YWHAQ: variants seen among roughly 807,000 people sequenced by gnomAD.
The protein encoded by YWHAQ is 14-3-3 protein theta.
In YWHAQ, 6 loss-of-function variants were observed where a neutral mutation model predicts 28.3. The ratio of observed to expected loss-of-function variants is 0.21; its 90% CI spans 0.12 to 0.42. The LOEUF is 0.42. YWHAQ is among the 10% of genes least tolerant of loss of function. The pLI, the probability that YWHAQ is intolerant of heterozygous loss-of-function variation, is 1.00. For synonymous variants in YWHAQ, 143 were observed against 119.1 expected, an observed-to-expected ratio of 1.20 and a Z score of -1.31; for missense variants, 201 against 305.6, an observed-to-expected ratio of 0.66 and a Z score of 2.55.
At chr2:9,615,021 T>C (rs925980341) in intron 2 of YWHAQ, among the ~76,000 whole-genome samples, 3 of 152,150 alleles carry the variant, frequency 2.0e-5, no homozygotes, top group Admixed American at 2.0e-4. Context: ...GGACATGAAG[T>C]AGTGTTTAAC....
chr2:9,588,597 C>T (rs1377893079), intron 3 of YWHAQ, among the ~76,000 whole-genome samples: 2 of 151,960 alleles, frequency 1.3e-5, no homozygotes, highest in Non-Finnish European at 2.9e-5. Context: ...ATGGCGAAAC[C>T]CCATCTCTAC....
intron 3 of YWHAQ, among the ~76,000 whole-genome samples, 200 bp downstream of exon 3, chr2:9,591,192 A>AT (rs751175981): frequency 4.6e-5 from 7 of 152,282 alleles, no homozygotes; most frequent in East Asian, 1.9e-4. Flanking sequence ...GATGAGCTTA[A>AT]TTTTTTTAAA....
intron 2 of YWHAQ, among the ~76,000 whole-genome samples, chr2:9,628,384 C>T (rs1396267991): frequency 2.0e-5 from 3 of 152,188 alleles, no homozygotes; most frequent in African/African-American, 4.8e-5. Context: ...AGCTACGTAT[C>T]AACTAAGCAA....
intron 2 of YWHAQ, among the ~76,000 whole-genome samples, chr2:9,602,061 T>C (rs1343436331): frequency 1.3e-5 from 2 of 152,196 alleles, no homozygotes; most frequent in African/African-American, 4.8e-5. Context: ...AAAGCAACTT[T>C]AGTAATGATA....
At chr2:9,598,334 G>C (rs1021700525) in intron 2 of YWHAQ, among the ~76,000 whole-genome samples, 1 of 152,094 alleles carries the variant, frequency 6.6e-6, no homozygotes, top group Non-Finnish European at 1.5e-5. Context: ...AGGTATACTG[G>C]AGTAGTAAAG....
In YWHAQ at chr2:9,585,202, G is replaced by A; in HGVS notation, c.*84C>T. The A allele has an allele frequency of 1.3e-6, 2 of 1,482,364 alleles. No homozygotes were observed. The highest frequency in any genetic ancestry group is 1.9e-6 in the Non-Finnish European group (2 of 1,063,592). 91.8% of individuals were successfully genotyped at this position (1,482,364 alleles called of 1,614,324 possible). A position where few individuals can be genotyped will look rare whatever the true frequency, so the allele number is the denominator to read the frequency against. On this transcript the variant is annotated 3_prime_UTR_variant, in exon 6 of 6. Coordinates refer to ENST00000238081, the MANE Select transcript of YWHAQ (RefSeq NM_006826.4). ...TCCATACACATGAATGGGTTTCTTT[G>A]CTATAGGAAATCCAAGTGGAATAAG...
At chr2:9,598,440 T>A (rs1200045684) in intron 2 of YWHAQ, among the ~76,000 whole-genome samples, 3 of 152,204 alleles carry the variant, frequency 2.0e-5, no homozygotes, top group African/African-American at 7.2e-5. Flanking sequence ...TACTGCTCTT[T>A]TGCAGATACT....
At chr2:9,588,429 A>G (rs1666389924) in intron 3 of YWHAQ, 101 bp from the exon 4 acceptor site, 1 of 1,381,264 alleles carries the variant, frequency 7.2e-7, no homozygotes, top group African/African-American at 1.5e-5. Flanking sequence ...TGGTAGAACC[A>G]AGATTTTTTC....
intron 2 of YWHAQ, among the ~76,000 whole-genome samples, chr2:9,617,908 C>G (rs1458305463): frequency 1.3e-5 from 2 of 149,888 alleles, no homozygotes; most frequent in Non-Finnish European, 3.0e-5. Context: ...GCTTGGGTGA[C>G]AGAGTGAGAC....
In YWHAQ at chr2:9,590,949, G is replaced by A. The variant is rs1011142119; in HGVS notation, c.418+443C>T. Among the ~76,000 whole-genome samples the A allele has an allele frequency of 2.0e-5, 3 of 152,106 alleles. 1 individual carries two copies. The highest frequency in any genetic ancestry group is 4.1e-4 in the South Asian group (2 of 4,822). On this transcript the variant is annotated intron_variant, in intron 3 of 5. Transcript: ENST00000238081. ...AATGTTATGACCCCTTAAAATAGACGATAATGAATATGACAAACAGCAAAA... is the reference window on the plus strand; with the variant it reads ...AATGTTATGACCCCTTAAAATAGACAATAATGAATATGACAAACAGCAAAA...
intron 2 of YWHAQ, chr2:9,628,701 A>G (rs943752478): frequency 2.0e-5 from 3 of 152,212 alleles, no homozygotes; most frequent in Non-Finnish European, 4.4e-5. Context: ...GTCTACCACT[A>G]CTTTCAAGTT....
In YWHAQ at chr2:9,613,551, G is replaced by C. The variant is rs1181016873; in HGVS notation, c.294+16608C>G. ...ACCCACAGGATAAACAGGCAAAAGA[G>C]AAAGGGAAGCAGCAGATGAAGAGAA... On this transcript the variant is annotated intron_variant, in intron 2 of 5. Coordinates refer to ENST00000238081, the MANE Select transcript of YWHAQ (RefSeq NM_006826.4). 6.6e-5 allele frequency among the ~76,000 whole-genome samples: 10 copies of C among 152,318 alleles called. No individual in the cohort carries two copies. In the South Asian group the frequency reaches 2.1e-3, roughly 32 times the overall value.
chr2:9,612,603 TAGG>T (rs1056659936), intron 2 of YWHAQ, among the ~76,000 whole-genome samples: 3 of 152,164 alleles, frequency 2.0e-5, no homozygotes, highest in Non-Finnish European at 2.9e-5. Flanking sequence ...TCTGGACCAG[TAGG>T]AGGAGTGTGG....
At chr2:9,585,421 A>G in intron 5 of YWHAQ, 76 bp from the exon 6 acceptor site, 1 of 1,505,482 alleles carries the variant, frequency 6.6e-7, no homozygotes, top group Non-Finnish European at 9.2e-7. Flanking sequence ...TTATATCAAA[A>G]TTAACTACAA....
chr2:9,619,489 A>G (rs1265778168), intron 2 of YWHAQ, among the ~76,000 whole-genome samples: 2 of 152,184 alleles, frequency 1.3e-5, no homozygotes, highest in African/African-American at 2.4e-5. Context: ...CAGAGGTTGC[A>G]GTGAACTGAG....
chr2:9,602,862 AATATATATATATATATATATATATAT>A (rs71413909), intron 2 of YWHAQ, among the ~76,000 whole-genome samples: 560 of 20,840 alleles, frequency 0.027, 7 homozygotes, highest in South Asian at 0.045. Flanking sequence ...AAAAAAAAAA[AATATATATATATATATATATATATAT>A]ATATATATAT....
chr2:9,622,534 T>A (rs1187225097), intron 2 of YWHAQ, among the ~76,000 whole-genome samples: 4 of 152,224 alleles, frequency 2.6e-5, no homozygotes. Flanking sequence ...TTTGTACCTA[T>A]GCGCCTTGGC....
intron 2 of YWHAQ, among the ~76,000 whole-genome samples, chr2:9,605,561 T>C (rs1666806531): frequency 6.6e-6 from 1 of 152,114 alleles, no homozygotes; most frequent in Non-Finnish European, 1.5e-5. Flanking sequence ...TTCTTTTTGT[T>C]GTTGTTGTTT....
At chr2:9,624,859 CA>C (rs1027144411) in intron 2 of YWHAQ, among the ~76,000 whole-genome samples, 27 of 151,818 alleles carry the variant, frequency 1.8e-4, no homozygotes, top group Admixed American at 1.8e-3. Context: ...CAATTTGCCT[CA>C]GCCTCCCAAG....
Sources: gnomAD v4.1 joint callset for allele counts (sites outside exome capture counted in the v4.1 genomes callset) on GRCh38, gnomAD v4.1.1 for gene constraint, MANE v1.5 for transcripts, NCBI Gene and HGNC (gene_info 2026-07-23, HGNC 2026-07-21) for gene names.